DOK7: variants seen among roughly 807,000 people sequenced by gnomAD.
DOK7 encodes the protein protein Dok-7.
DOK7 carries 32 observed loss-of-function variants against 30.7 expected under a neutral mutation model. The observed-to-expected ratio is 1.04, with a 90% CI of 0.79 to 1.40. DOK7 has a LOEUF of 1.40. Among genes scored for constraint, DOK7 ranks in the 40% most tolerant of loss-of-function variants. The pLI is 0.00. For synonymous variants in DOK7, 447 were observed against 324.1 expected (o/e 1.38, Z -4.07); for missense variants, 1,007 against 699.2 (o/e 1.44, Z -4.97).
At position 3,493,532 on chromosome 4, in the gene DOK7, G is replaced by A. The variant is rs1233772957; in HGVS notation, c.*31G>A. ...GCAGATCCCGCCCCGCGGCTGCAAA[G>A]GGGCTGAATTTGCCCCCAGATGGCA... On this transcript the variant is annotated 3_prime_UTR_variant, in exon 7 of 7. Transcript: ENST00000340083. 3.1e-6 allele frequency: 5 copies of A among 1,605,004 alleles called. No homozygotes were observed. The South Asian group carries it at 3.3e-5, about 11-fold the overall frequency.
chr4:3,477,493 C>T (rs1052033902), intron 4 of DOK7, among the ~76,000 whole-genome samples: 5 of 152,264 alleles, frequency 3.3e-5, no homozygotes, highest in African/African-American at 7.2e-5. Context: ...GGGGCACGGG[C>T]GCAAGCCCAT....
intron 2 of DOK7, among the ~76,000 whole-genome samples, chr4:3,467,252 C>T (rs1560204025): frequency 6.8e-6 from 1 of 147,354 alleles, no homozygotes; most frequent in Non-Finnish European, 1.5e-5. Context: ...TGCCTGCTTG[C>T]TCCATCTTCC....
At chr4:3,476,300 C>A in intron 3 of DOK7, 42 bp from the exon 4 acceptor site, 2 of 1,444,036 alleles carry the variant, frequency 1.4e-6, no homozygotes, top group African/African-American at 1.5e-5. Context: ...TGTCCTCTCA[C>A]CCTGCCCGCC....
chr4:3,482,898 G>A (rs538425989), intron 4 of DOK7, among the ~76,000 whole-genome samples: 59 of 152,300 alleles, frequency 3.9e-4, no homozygotes, highest in African/African-American at 1.3e-3. Flanking sequence ...CAGCCGGGAC[G>A]GCAGCAGGTG....
At chr4:3,468,750 CTGTGTGCGTGTG>C (rs1726519161) in intron 2 of DOK7, among the ~76,000 whole-genome samples, 2 of 87,926 alleles carry the variant, frequency 2.3e-5, no homozygotes, top group African/African-American at 5.9e-5. Flanking sequence ...GTGTATGTGT[CTGTGTGCGTGTG>C]TGTGTGCATG....
chr4:3,480,603 G>A (rs1258996247), intron 4 of DOK7, among the ~76,000 whole-genome samples: 2 of 152,180 alleles, frequency 1.3e-5, no homozygotes, highest in African/African-American at 4.8e-5. Context: ...GCCAGGCTCT[G>A]TCTCAAAAAA....
chr4:3,490,085 CCCT>C (rs1398184813), intron 6 of DOK7, among the ~76,000 whole-genome samples: 1 of 124,282 alleles, frequency 8.0e-6, no homozygotes, highest in African/African-American at 2.8e-5. Context: ...TTTCTTCACC[CCCT>C]CATTCATTCC....
At chr4:3,477,913 CCAG>C (rs1226998473) in intron 4 of DOK7, among the ~76,000 whole-genome samples, 1 of 152,156 alleles carries the variant, frequency 6.6e-6, no homozygotes, top group Non-Finnish European at 1.5e-5. Flanking sequence ...CTGCGGCAGG[CCAG>C]AGGTTCAGTA....
chr4:3,496,957 G>A (rs1728944572), downstream of DOK7: 3 of 555,880 alleles, frequency 5.4e-6, no homozygotes, highest in South Asian at 3.7e-5. Flanking sequence ...TAGATGGGGA[G>A]GGGGGAGGGT....
At chr4:3,481,251 G>T (rs1206697058) in intron 4 of DOK7, among the ~76,000 whole-genome samples, 2 of 152,110 alleles carry the variant, frequency 1.3e-5, no homozygotes, top group Non-Finnish European at 2.9e-5. Flanking sequence ...TGCTAATGTT[G>T]ACCCCGGGGT....
chr4:3,487,001 T>C (rs1727845284), intron 5 of DOK7, among the ~76,000 whole-genome samples: 1 of 151,440 alleles, frequency 6.6e-6, no homozygotes, highest in African/African-American at 2.4e-5. Context: ...AGCCACTAGA[T>C]GGGACAGGCT....
At position 3,493,263 on chromosome 4, in the gene DOK7, C is replaced by T. The variant is rs755360053; in HGVS notation, c.1277C>T (p.Pro426Leu). Reference protein sequence around the residue: ...RDHSPPSQGSPGNSAARDSGG... With the variant: ...RDHSPPSQGSLGNSAARDSGG... ...CACAGCCCCCCCTCACAGGGCAGCC[C>T]CGGCAACAGTGCGGCCAGGGACTCA... The change falls in exon 7 of 7, where the codon CCC (proline) becomes CTC (leucine). Residue 426 changes from proline (P) to leucine (L), a missense_variant. By Grantham distance (98) the Pro-to-Leu change is moderately conservative. Transcript: ENST00000340083. The T allele has an allele frequency of 3.5e-5, 56 of 1,611,510 alleles. No individual in the cohort carries two copies. Among genetic ancestry groups the T allele is most frequent in the Non-Finnish European group, 4.4e-5 (52 of 1,179,530 alleles).
At chr4:3,490,901 T>TTCTC (rs1728332684) in intron 6 of DOK7, among the ~76,000 whole-genome samples, 1 of 112,652 alleles carries the variant, frequency 8.9e-6, no homozygotes, top group Non-Finnish European at 1.8e-5. Flanking sequence ...AATTTCTTCC[T>TTCTC]TCTCTCCTCT....
intron 5 of DOK7, among the ~76,000 whole-genome samples, chr4:3,486,998 A>G (rs1204444991): frequency 6.6e-6 from 1 of 152,084 alleles, no homozygotes; most frequent in Non-Finnish European, 1.5e-5. Flanking sequence ...GACAGCCACT[A>G]GATGGGACAG....
At position 3,489,776 on chromosome 4, in the gene DOK7, C is replaced by T. The variant is rs376251309; in HGVS notation, c.752C>T (p.Ala251Val). 3.7e-5 allele frequency: 58 copies of T among 1,572,398 alleles called. No homozygotes were observed. In the East Asian group the frequency reaches 3.7e-4, roughly 10 times the overall value. Residue 251 changes from alanine (A) to valine (V), a missense_variant, in exon 6 of 7, where the codon GCG (alanine) becomes GTG (valine). By Grantham distance (64) the Ala-to-Val change is moderately conservative. Transcript: ENST00000340083. ...AAGCGGCTGAGCCTCCTCTCACATG[C>T]GGGCAGGCCGGGCAGTGGAGGTAGG... ...LEKRLSLLSH[A>V]GRPGSGGDDR...
chr4:3,489,100 G>A (rs935801375), intron 5 of DOK7, among the ~76,000 whole-genome samples: 12 of 152,178 alleles, frequency 7.9e-5, no homozygotes, highest in Admixed American at 5.2e-4. Context: ...CGAGGCTGGT[G>A]CTCCCTGGAT....
chr4:3,495,815 G>A (rs892288547), downstream of DOK7, among the ~76,000 whole-genome samples: 6 of 152,178 alleles, frequency 3.9e-5, no homozygotes, highest in African/African-American at 7.2e-5. Context: ...AGCTGGGGAG[G>A]GGCCCTCTCA....
intron 6 of DOK7, chr4:3,500,238 G>A (rs1307846955): frequency 1.2e-5 from 18 of 1,534,162 alleles, no homozygotes; most frequent in African/African-American, 6.8e-5. Context: ...CTTCACAGCC[G>A]CTCCCCCCAC....
At chr4:3,500,441 G>T (rs767768963) in intron 7 of DOK7, 1 of 1,531,166 alleles carries the variant, frequency 6.5e-7, no homozygotes, top group African/African-American at 1.4e-5. Context: ...TGACAATTGG[G>T]GGCTGGGACC....
Sources: allele counts gnomAD v4.1 joint callset (sites outside exome capture counted in the v4.1 genomes callset), GRCh38; gene constraint gnomAD v4.1.1; transcripts MANE v1.5; gene names NCBI Gene and HGNC (gene_info 2026-07-23, HGNC 2026-07-21).